GRM8: variants seen among roughly 807,000 people sequenced by gnomAD.
GRM8 encodes the protein glutamate metabotropic receptor 8, also known as metabotropic glutamate receptor 8.
In GRM8, 47 loss-of-function variants were observed where a neutral mutation model predicts 87.2. The ratio of observed to expected loss-of-function variants is 0.54; its 90% CI spans 0.43 to 0.69. The LOEUF (loss-of-function observed/expected upper bound fraction) is 0.69, where lower values mean the gene tolerates loss of function less well. GRM8 is among the 30% of genes least tolerant of loss of function. The pLI, the probability that GRM8 is intolerant of heterozygous loss-of-function variation, is 0.00. For missense variants in GRM8, 1,019 were observed against 1,139.2 expected, an observed-to-expected ratio of 0.89 and a Z score of 1.52; for synonymous variants, 396 against 404.5, an observed-to-expected ratio of 0.98 and a Z score of 0.25.
intron 6 of GRM8, among the ~76,000 whole-genome samples, chr7:126,879,719 T>C (rs570092615): frequency 6.6e-6 from 1 of 152,352 alleles, no homozygotes; most frequent in East Asian, 1.9e-4. Context: ...TATTTTCTTC[T>C]TTATTATACT....
chr7:126,627,638 T>C (rs1205612280), intron 7 of GRM8, among the ~76,000 whole-genome samples: 1 of 152,180 alleles, frequency 6.6e-6, no homozygotes, highest in East Asian at 1.9e-4. Context: ...TTTAAAAGAA[T>C]GCCTCCCATA....
intron 3 of GRM8, among the ~76,000 whole-genome samples, chr7:127,079,307 A>G (rs953030482): frequency 8.6e-5 from 13 of 151,998 alleles, no homozygotes; most frequent in Non-Finnish European, 1.8e-4. Flanking sequence ...TTTTCAGTAG[A>G]GTTGGGGTTT....
At chr7:126,974,076 C>T (rs1285285083) in intron 3 of GRM8, among the ~76,000 whole-genome samples, 1 of 152,142 alleles carries the variant, frequency 6.6e-6, no homozygotes, top group Non-Finnish European at 1.5e-5. Context: ...AACTTTGTTT[C>T]ATGAACAAAA....
chr7:127,193,117 A>G (rs1795106333), intron 2 of GRM8, among the ~76,000 whole-genome samples: 1 of 152,254 alleles, frequency 6.6e-6, no homozygotes, highest in African/African-American at 2.4e-5. Flanking sequence ...GGATAAAACC[A>G]TATTTGAATG....
At chr7:127,204,438 C>T (rs1285579764) in intron 2 of GRM8, among the ~76,000 whole-genome samples, 1 of 152,148 alleles carries the variant, frequency 6.6e-6, no homozygotes, top group African/African-American at 2.4e-5. Context: ...TAGAAACTTC[C>T]TAACCCTCCA....
intron 3 of GRM8, among the ~76,000 whole-genome samples, chr7:126,985,945 C>G (rs890598419): frequency 6.6e-6 from 1 of 152,132 alleles, no homozygotes; most frequent in Admixed American, 6.5e-5. Flanking sequence ...TTAAAATATT[C>G]TAATCACCTT....
chr7:126,668,607 G>A (rs543193792), intron 7 of GRM8, among the ~76,000 whole-genome samples: 3 of 152,248 alleles, frequency 2.0e-5, no homozygotes, highest in Non-Finnish European at 4.4e-5. Context: ...GCATGCTGCC[G>A]CAGCCTTCCA....
At chr7:126,456,532 A>AAAAAAAAAAAAAAAAAAAAAAAAC in intron 9 of GRM8, among the ~76,000 whole-genome samples, 1 of 148,838 alleles carries the variant, frequency 6.7e-6, no homozygotes, top group Admixed American at 6.7e-5. Context: ...AAAAAAAAAA[A>AAAAAAAAAAAAAAAAAAAAAAAAC]AAAAAAAAAA....
intron 7 of GRM8, among the ~76,000 whole-genome samples, chr7:126,759,696 C>A (rs575878237): frequency 3.3e-5 from 5 of 152,252 alleles, no homozygotes; most frequent in South Asian, 4.1e-4. Flanking sequence ...TCTAAAGATT[C>A]TCAAGTTCTC....
At chr7:126,681,842 C>T (rs1332401200) in intron 7 of GRM8, among the ~76,000 whole-genome samples, 1 of 152,184 alleles carries the variant, frequency 6.6e-6, no homozygotes, top group Non-Finnish European at 1.5e-5. Context: ...GGCAAGTTTT[C>T]CAGAAAAAGA....
intron 9 of GRM8, among the ~76,000 whole-genome samples, chr7:126,484,147 G>C (rs1276817442): frequency 6.6e-6 from 1 of 152,056 alleles, no homozygotes; most frequent in Non-Finnish European, 1.5e-5. Context: ...AAGTGCACTT[G>C]TTTTGAAGAT....
At chr7:126,788,088 A>C (rs1029769577) in intron 6 of GRM8, among the ~76,000 whole-genome samples, 2 of 152,050 alleles carry the variant, frequency 1.3e-5, no homozygotes, top group African/African-American at 4.8e-5. Flanking sequence ...AAAAATGATG[A>C]GTTACCTGAA....
At chr7:127,024,840 AC>A (rs1816622504) in intron 3 of GRM8, among the ~76,000 whole-genome samples, 1 of 151,676 alleles carries the variant, frequency 6.6e-6, no homozygotes, top group South Asian at 2.1e-4. Context: ...CCTCAGGGCA[AC>A]CCCACCACAC....
At chr7:126,633,536 T>C (rs1801552278) in intron 7 of GRM8, among the ~76,000 whole-genome samples, 1 of 152,102 alleles carries the variant, frequency 6.6e-6, no homozygotes, top group African/African-American at 2.4e-5. Flanking sequence ...TCTTTTTGAT[T>C]AAAATGAAAA....
At chr7:126,470,096 G>C (rs1226639734) in intron 9 of GRM8, among the ~76,000 whole-genome samples, 1 of 152,116 alleles carries the variant, frequency 6.6e-6, no homozygotes, top group Non-Finnish European at 1.5e-5. Context: ...CTAGTAAATA[G>C]ACTGGTGGCA....
At chr7:126,616,911 G>A (rs1463952562) in intron 7 of GRM8, among the ~76,000 whole-genome samples, 1 of 152,094 alleles carries the variant, frequency 6.6e-6, no homozygotes, top group African/African-American at 2.4e-5. Flanking sequence ...AAAAGTCCAG[G>A]ACCAGACGGA....
intron 9 of GRM8, among the ~76,000 whole-genome samples, chr7:126,467,544 T>C (rs1243400305): frequency 6.6e-6 from 1 of 152,046 alleles, no homozygotes; most frequent in African/African-American, 2.4e-5. Flanking sequence ...GTATTTTAAT[T>C]CTATTGAATT....
intron 3 of GRM8, among the ~76,000 whole-genome samples, chr7:127,025,308 T>C (rs1816670736): frequency 6.6e-6 from 1 of 152,044 alleles, no homozygotes. Flanking sequence ...AACTTCTTAC[T>C]CTTCTTTCCT....
chr7:126,523,302 A>G (rs1487951712), intron 9 of GRM8, among the ~76,000 whole-genome samples: 1 of 152,138 alleles, frequency 6.6e-6, no homozygotes, highest in Non-Finnish European at 1.5e-5. Flanking sequence ...ATAATCTTAC[A>G]TCTCCTGATC....
Sources: allele counts gnomAD v4.1 joint callset (sites outside exome capture counted in the v4.1 genomes callset), GRCh38; gene constraint gnomAD v4.1.1; transcripts MANE v1.5; gene names NCBI Gene and HGNC (gene_info 2026-07-23, HGNC 2026-07-21).